The following ATXN2 variants were observed in gnomAD, a reference collection of about 807,000 sequenced individuals.
The protein encoded by ATXN2 is ataxin-2.
A neutral mutation model predicts 138.6 loss-of-function variants in ATXN2; 37 were observed. That is an observed-to-expected ratio of 0.27 (90% CI 0.21 to 0.35). ATXN2 has a LOEUF of 0.35. Ranked by LOEUF, ATXN2 falls within the 10% of genes least tolerant of loss-of-function variation. The pLI is 1.00. For synonymous variants in ATXN2, 549 were observed against 543.7 expected (o/e 1.01, Z -0.13); for missense variants, 1,216 against 1,480.3 (o/e 0.82, Z 2.93).
At chr12:111,580,999 G>A (rs940729166) in intron 1 of ATXN2, among the ~76,000 whole-genome samples, 1 of 151,854 alleles carries the variant, frequency 6.6e-6, no homozygotes, top group Admixed American at 6.6e-5. Flanking sequence ...CTAGCCGGCT[G>A]TGGTGGCAGG....
rs1231446637 is a variant in ATXN2 at position 111,552,368 on chromosome 12, A to G, written c.483T>C (p.Arg161=). ...ACAAAATACTCTCCATTATTTCTTC[A>G]CGTTTCGGCCCCGAACTGGATTCTG... ...KSTESSSGPK[R]EEIMESILFK... is the part of the protein sequence containing the mutation. Residue 161 remains arginine, a synonymous_variant, in exon 5 of 25, where the codon CGT becomes CGC. Transcript: ENST00000673436. The surrounding 1 kb of genome is among the most constrained non-coding windows in gnomAD (Gnocchi z 4.1). 1 of 1,613,864 alleles carries G rather than the reference A, an allele frequency of 6.2e-7. No individual in the cohort carries two copies. The highest frequency in any genetic ancestry group is 1.3e-5 in the African/African-American group (1 of 74,986).
At chr12:111,599,550 G>A, upstream of ATXN2, 1 of 1,187,694 alleles carries the variant, frequency 8.4e-7, no homozygotes, top group East Asian at 3.6e-5. Context: ...GGGTGGGAGC[G>A]GAGGTGCGGA....
chr12:111,485,618 C>CATCACACCCTCAAGTCACTGAAAACCT, intron 17 of ATXN2, 95 bp downstream of exon 17: 1 of 1,456,506 alleles, frequency 6.9e-7, no homozygotes, highest in Non-Finnish European at 9.4e-7. Flanking sequence ...TATGCATAAC[C>CATCACACCCTCAAGTCACTGAAAACCT]ATCACACCCT....
At chr12:111,455,238 G>A (rs1334859705) in intron 23 of ATXN2, 1 of 666,062 alleles carries the variant, frequency 1.5e-6, no homozygotes, top group Non-Finnish European at 2.8e-6. Flanking sequence ...ACAGCCCCAG[G>A]GAGGGCCTCA....
At chr12:111,546,412 A>C (rs914540892) in intron 5 of ATXN2, among the ~76,000 whole-genome samples, 3 of 152,336 alleles carry the variant, frequency 2.0e-5, no homozygotes, top group Non-Finnish European at 1.5e-5. Context: ...ACAGCCATCA[A>C]AACAGCCATA....
chr12:111,574,660 C>T (rs1414489105), intron 1 of ATXN2, among the ~76,000 whole-genome samples: 1 of 151,914 alleles, frequency 6.6e-6, no homozygotes, highest in East Asian at 1.9e-4. Context: ...TGAGCTCAAG[C>T]GACCCTCCTC....
intron 5 of ATXN2, among the ~76,000 whole-genome samples, chr12:111,538,561 C>T (rs1160359025): frequency 1.5e-5 from 2 of 134,488 alleles, no homozygotes; most frequent in Non-Finnish European, 3.5e-5. Context: ...CCATATTGCC[C>T]AGGCTGGTCT....
At chr12:111,536,504 T>C (rs978365965) in intron 5 of ATXN2, among the ~76,000 whole-genome samples, 3 of 152,044 alleles carry the variant, frequency 2.0e-5, no homozygotes, top group Non-Finnish European at 2.9e-5. Flanking sequence ...GCTAGTAGGA[T>C]TGTAAAATGA....
At chr12:111,498,767 G>A (rs1878580853) in intron 14 of ATXN2, among the ~76,000 whole-genome samples, 2 of 152,076 alleles carry the variant, frequency 1.3e-5, no homozygotes, top group African/African-American at 2.4e-5. Flanking sequence ...AAGCCATACT[G>A]AGCAAAATGA....
intron 3 of ATXN2, among the ~76,000 whole-genome samples, chr12:111,553,604 A>AAAATTTTT: frequency 1.2e-5 from 1 of 85,004 alleles, no homozygotes; most frequent in Non-Finnish European, 1.9e-5. Flanking sequence ...AAAAAAAAAA[A>AAAATTTTT]TTTTTTTTTT....
At chr12:111,462,010 G>A (rs1005686373) in intron 21 of ATXN2, among the ~76,000 whole-genome samples, 4 of 151,950 alleles carry the variant, frequency 2.6e-5, no homozygotes, top group African/African-American at 7.2e-5. Context: ...GAGTGGGAAG[G>A]GCAGTGGGTT....
intron 20 of ATXN2, among the ~76,000 whole-genome samples, chr12:111,465,570 G>C (rs1031889813): frequency 1.3e-5 from 2 of 151,432 alleles, no homozygotes; most frequent in Non-Finnish European, 2.9e-5. Context: ...AGAAGTTCGA[G>C]ATCAGCCTGG....
Position 111,488,484 on chromosome 12 carries a change from G to C in ATXN2, c.2232C>G (p.Asp744Glu). 1.2e-6 allele frequency: 2 copies of C among 1,608,062 alleles called. No homozygotes were observed. Among genetic ancestry groups the C allele is most frequent in the Middle Eastern group, 1.7e-4 (1 of 6,032 alleles). ...GTTCCAGGTTTACTCACTCAGCTGC[G>C]TCTTTCTTCTCTTCCTTATCGTCTT... ...QEKDDKEEKK[D>E]AAEQVRKSTL... The change falls in exon 15 of 25, where the codon GAC (aspartate) becomes GAG (glutamate). Residue 744 changes from aspartate to glutamate, a missense_variant. Physicochemically the swap from Asp to Glu is conservative, Grantham distance 45. Coordinates refer to ENST00000673436, the MANE Select transcript of ATXN2 (RefSeq NM_001372574.1).
At chr12:111,578,750 C>A (rs1325881288) in intron 1 of ATXN2, among the ~76,000 whole-genome samples, 1 of 152,074 alleles carries the variant, frequency 6.6e-6, no homozygotes, top group African/African-American at 2.4e-5. Flanking sequence ...CAAATTAAAA[C>A]CACAATGAGG....
intron 1 of ATXN2, among the ~76,000 whole-genome samples, chr12:111,567,651 T>C (rs1883089809): frequency 6.6e-6 from 1 of 151,692 alleles, no homozygotes; most frequent in African/African-American, 2.4e-5. Flanking sequence ...CCATCTCTAC[T>C]AAAAATATAA....
chr12:111,521,017 G>A, intron 6 of ATXN2, 44 bp from the exon 7 acceptor site: 1 of 1,272,074 alleles, frequency 7.9e-7, no homozygotes, highest in Non-Finnish European at 1.1e-6. Flanking sequence ...CAAAGTAGTT[G>A]TTCCCTTTCA....
At chr12:111,509,482 A>G (rs545227365) in intron 14 of ATXN2, 67 bp downstream of exon 14, 3 of 912,904 alleles carry the variant, frequency 3.3e-6, no homozygotes, top group East Asian at 2.7e-5. Context: ...GCATTTTTAT[A>G]AATAGATAAA....
In ATXN2 at chr12:111,470,227, T is replaced by C. The variant is rs1876316492; in HGVS notation, c.2723A>G (p.Tyr908Cys). Residue 908 changes from tyrosine (Y) to cysteine (C), a missense_variant, in exon 20 of 25, where the codon TAT (tyrosine) becomes TGT (cysteine). This residue lies in a region of ATXN2 where 490 missense variants were observed against 653.5 expected (regional missense o/e 0.75). Coordinates refer to ENST00000673436, the MANE Select transcript of ATXN2 (RefSeq NM_001372574.1). ...PHYQSQHPHVYSPVIQGNARM... is the reference protein window; with the variant it reads ...PHYQSQHPHVCSPVIQGNARM... The stretch of plus-strand genomic sequence containing the variant: ...AGCATTACCCTGTATTACAGGACTA[T>C]AGACATGAGGATGCTGTGTTCAAAC... The C allele has an allele frequency of 3.1e-6, 5 of 1,613,886 alleles. No homozygotes were observed. The highest frequency in any genetic ancestry group is 4.2e-6 in the Non-Finnish European group (5 of 1,179,896).
At chr12:111,580,965 C>T (rs1270235108) in intron 1 of ATXN2, among the ~76,000 whole-genome samples, 2 of 151,770 alleles carry the variant, frequency 1.3e-5, no homozygotes, top group East Asian at 3.9e-4. Flanking sequence ...ATGGTGCTAC[C>T]CCATCTCTAC....
Sources: allele counts gnomAD v4.1 joint callset (sites outside exome capture counted in the v4.1 genomes callset), GRCh38; gene constraint gnomAD v4.1.1; regional missense constraint gnomAD v4.1.1; non-coding constraint Gnocchi (gnomAD v3.1); transcripts MANE v1.5; gene names NCBI Gene and HGNC (gene_info 2026-07-23, HGNC 2026-07-21).